Variants in EHMT1 observed in about 807,000 individuals in gnomAD.
EHMT1 encodes the protein histone-lysine N-methyltransferase EHMT1.
In EHMT1, 15 loss-of-function variants were observed where a neutral mutation model predicts 147.2. The ratio of observed to expected loss-of-function variants is 0.10; its 90% CI spans 0.07 to 0.16. The LOEUF is 0.16. EHMT1 is among the 10% of genes least tolerant of loss of function. The pLI is 1.00. For missense variants in EHMT1, 1,587 were observed against 1,772.4 expected, an observed-to-expected ratio of 0.90 and a Z score of 1.88; for synonymous variants, 795 against 709.6, an observed-to-expected ratio of 1.12 and a Z score of -1.91.
intron 16 of EHMT1, among the ~76,000 whole-genome samples, chr9:137,794,830 T>C (rs1952778258): frequency 2.0e-5 from 3 of 152,146 alleles, no homozygotes; most frequent in Admixed American, 1.3e-4. Flanking sequence ...CTTCAGCGAA[T>C]GATGGTGAAA....
At chr9:137,623,790 A>G (rs1271752170) in intron 1 of EHMT1, among the ~76,000 whole-genome samples, 2 of 152,176 alleles carry the variant, frequency 1.3e-5, no homozygotes, top group Non-Finnish European at 2.9e-5. Flanking sequence ...TTTTGAAGTC[A>G]TAGCTCCAAT....
At chr9:137,704,278 T>C (rs567501930) in intron 1 of EHMT1, among the ~76,000 whole-genome samples, 5 of 152,222 alleles carry the variant, frequency 3.3e-5, no homozygotes, top group African/African-American at 9.6e-5. Context: ...TGACCTCAGC[T>C]CTGCAGCCTG....
At chr9:137,827,332 C>T (rs557201163) in intron 25 of EHMT1, among the ~76,000 whole-genome samples, 2 of 152,234 alleles carry the variant, frequency 1.3e-5, no homozygotes, top group South Asian at 2.1e-4. Flanking sequence ...CCTCTCACTT[C>T]TCAGCCATGG....
Position 137,672,795 on chromosome 9 carries a change from AGTGT to A in EHMT1, c.22-38167_22-38164del, listed in dbSNP as rs371269833. ...AGATTTTGAATGAAATTCAGCCATG[AGTGT>A]GTGTTTGTTTTCCCATGCTATCTCA... On this transcript the variant is annotated intron_variant, in intron 1 of 26. Coordinates refer to ENST00000460843, the MANE Select transcript of EHMT1 (RefSeq NM_024757.5). 5.6e-3 allele frequency among the ~76,000 whole-genome samples: 859 copies of A among 152,158 alleles called. 3 individuals are homozygous for A. Among genetic ancestry groups the A allele is most frequent in the Middle Eastern group, 0.037 (11 of 294 alleles).
At chr9:137,672,108 C>T (rs998189437) in intron 1 of EHMT1, among the ~76,000 whole-genome samples, 1 of 152,200 alleles carries the variant, frequency 6.6e-6, no homozygotes, top group African/African-American at 2.4e-5. Flanking sequence ...GTGTCAGGCA[C>T]GAGATGTGTG....
At chr9:137,621,590 G>A (rs1842940684) in intron 1 of EHMT1, among the ~76,000 whole-genome samples, 1 of 151,914 alleles carries the variant, frequency 6.6e-6, no homozygotes, top group Non-Finnish European at 1.5e-5. Flanking sequence ...TGCAGCCTGG[G>A]CAACGGAGTG....
At chr9:137,788,115 G>C in intron 15 of EHMT1, 1 of 1,308,806 alleles carries the variant, frequency 7.6e-7, no homozygotes, top group Non-Finnish European at 1.0e-6. Flanking sequence ...GGGCCACAGA[G>C]GCCTCTCAGA....
intron 19 of EHMT1, among the ~76,000 whole-genome samples, chr9:137,812,263 A>G (rs1954553236): frequency 6.6e-6 from 1 of 152,234 alleles, no homozygotes; most frequent in Non-Finnish European, 1.5e-5. Context: ...GCTTGAACCC[A>G]GGAGGCAAGA....
intron 1 of EHMT1, chr9:137,667,089 A>G (rs971432023): frequency 6.6e-6 from 1 of 152,118 alleles, no homozygotes; most frequent in African/African-American, 2.4e-5. Flanking sequence ...TGCCCTTGAA[A>G]CGCGGTGGAG....
intron 1 of EHMT1, among the ~76,000 whole-genome samples, chr9:137,646,043 C>G (rs931781202): frequency 6.6e-6 from 1 of 152,078 alleles, no homozygotes; most frequent in Non-Finnish European, 1.5e-5. Context: ...ACTGCAGCCT[C>G]TGTCTCCCGG....
chr9:137,832,807 ACT>A (rs144582153), intron 25 of EHMT1: 7,142 of 151,782 alleles, frequency 0.047, 232 homozygotes, highest in Middle Eastern at 0.14. Context: ...GAAGCCCCTC[ACT>A]CTCCATTTTG....
At chr9:137,802,606 T>G (rs1953588998) in intron 18 of EHMT1, 1 of 402,312 alleles carries the variant, frequency 2.5e-6, no homozygotes. Context: ...GCACGGGCCC[T>G]TGCCATTCAT....
rs537845914 is a variant in EHMT1, at chr9:137,652,720, A to T, written c.21+33671A>T. On this transcript the variant is annotated intron_variant, in intron 1 of 26. Coordinates refer to ENST00000460843, the MANE Select transcript of EHMT1 (RefSeq NM_024757.5). ...TAGTTTTTAACAAAAAAGTGTAAGAAGTTAAACTTTTTTTTTTTTTTTGAG... is the reference window on the plus strand; with the variant it reads ...TAGTTTTTAACAAAAAAGTGTAAGATGTTAAACTTTTTTTTTTTTTTTGAG... 1.4e-4 allele frequency among the ~76,000 whole-genome samples: 21 copies of T among 147,930 alleles called. No homozygotes were observed. The East Asian group carries it at 3.8e-3, about 27-fold the overall frequency.
chr9:137,818,029 C>T (rs1955064852), intron 24 of EHMT1, 31 bp from the exon 25 acceptor site: 1 of 1,612,612 alleles, frequency 6.2e-7, no homozygotes, highest in African/African-American at 1.3e-5. Context: ...CGCTGCCTTC[C>T]AGGGCCTCAC....
intron 1 of EHMT1, 41 bp from the exon 2 acceptor site, chr9:137,710,926 C>G (rs1472884796): frequency 8.9e-6 from 14 of 1,568,994 alleles, no homozygotes; most frequent in Non-Finnish European, 1.1e-5. Flanking sequence ...AAAGCGGCCT[C>G]CCACTGAACC....
intron 1 of EHMT1, among the ~76,000 whole-genome samples, chr9:137,697,613 T>C (rs141463025): frequency 1.3e-5 from 2 of 152,358 alleles, no homozygotes; most frequent in East Asian, 3.9e-4. Context: ...AATTTTTCCT[T>C]TGGATCATTT....
At chr9:137,832,324 C>T (rs1400545579) in intron 25 of EHMT1, among the ~76,000 whole-genome samples, 1 of 147,984 alleles carries the variant, frequency 6.8e-6, no homozygotes, top group Non-Finnish European at 1.5e-5. Flanking sequence ...GCTGGGCTCC[C>T]TCCACAGGCC....
chr9:137,662,795 TATTTATTTA>T (rs1939220816), intron 1 of EHMT1, among the ~76,000 whole-genome samples: 1 of 147,814 alleles, frequency 6.8e-6, no homozygotes, highest in Admixed American at 6.8e-5. Context: ...TTTATTTATT[TATTTATTTA>T]TTTATTTTTG....
At chr9:137,638,848 A>G (rs1844276647) in intron 1 of EHMT1, among the ~76,000 whole-genome samples, 1 of 152,142 alleles carries the variant, frequency 6.6e-6, no homozygotes, top group African/African-American at 2.4e-5. Context: ...TCCATAAGCC[A>G]AGGAGTGTCA....
Sources: gnomAD v4.1 joint callset for allele counts (sites outside exome capture counted in the v4.1 genomes callset) on GRCh38, gnomAD v4.1.1 for gene constraint, MANE v1.5 for transcripts, NCBI Gene and HGNC (gene_info 2026-07-23, HGNC 2026-07-21) for gene names.